PRG4: variants seen among roughly 807,000 people sequenced by gnomAD.
PRG4 encodes the protein proteoglycan 4.
Under a neutral mutation model 91.2 loss-of-function variants are expected in PRG4, and 61 were observed. The observed-to-expected ratio is 0.67, with a 90% CI of 0.54 to 0.83. The LOEUF (loss-of-function observed/expected upper bound fraction) is 0.83, where lower values mean the gene tolerates loss of function less well. Ranked by LOEUF, PRG4 falls within the 40% of genes least tolerant of loss-of-function variation. The pLI is 0.00. For missense variants in PRG4, 1,564 were observed against 1,714.2 expected (o/e 0.91, Z 1.55); for synonymous variants, 576 against 614.2 (o/e 0.94, Z 0.92).
At position 186,306,402 on chromosome 1, in the gene PRG4, A is replaced by G; in HGVS notation, c.683A>G (p.Asn228Ser). 6.2e-7 allele frequency: 1 copy of G among 1,613,362 alleles called. No individual in the cohort carries two copies. Among genetic ancestry groups the G allele is most frequent in the Non-Finnish European group, 8.5e-7 (1 of 1,179,438 alleles). The change falls in exon 7 of 13, where the codon AAT (asparagine) becomes AGT (serine). Residue 228 changes from asparagine (N) to serine (S), a missense_variant. Coordinates refer to ENST00000445192, the MANE Select transcript of PRG4 (RefSeq NM_005807.6). ...VVDEAGSGLD[N>S]GDFKVTTPDT... is the part of the protein sequence containing the mutation. Reference sequence around the variant, plus strand: ...GATGAAGCTGGAAGTGGATTGGACAATGGTGACTTCAAGGTCACAACTCCT... The same window carrying G: ...GATGAAGCTGGAAGTGGATTGGACAGTGGTGACTTCAAGGTCACAACTCCT...
intron 7 of PRG4, 55 bp from the exon 8 acceptor site, chr1:186,309,738 T>C (rs1657032916): frequency 1.6e-6 from 2 of 1,288,944 alleles, no homozygotes; most frequent in East Asian, 2.3e-5. Flanking sequence ...GAAAAGAACA[T>C]ACAGACTTTT....
chr1:186,311,292 A>C, intron 9 of PRG4, 122 bp downstream of exon 9: 1 of 1,421,486 alleles, frequency 7.0e-7, no homozygotes, highest in South Asian at 1.2e-5. Flanking sequence ...TCAAAATTTA[A>C]TCATAATTCA....
intron 4 of PRG4, 110 bp downstream of exon 4, chr1:186,301,821 C>A: frequency 2.1e-6 from 3 of 1,399,814 alleles, no homozygotes; most frequent in Non-Finnish European, 3.0e-6. Context: ...CTTGATTTTA[C>A]TAACATATAA....
Position 186,306,845 on chromosome 1 carries a change from ACCACCCCCAAGGAGCCTGCAC to A in PRG4, c.1132_1152del (p.Pro378_Thr384del). 2.5e-6 allele frequency: 4 copies of A among 1,610,028 alleles called. No individual in the cohort carries two copies. The highest frequency in any genetic ancestry group is 3.4e-6 in the Non-Finnish European group (4 of 1,178,840). ...ACCTACCACCATCAAGTCTGCACCC[ACCACCCCCAAGGAGCCTGCAC>A]CCACCACCACCAAGTCTGCACCCAC... is the stretch of plus-strand genomic sequence containing the variant. On this transcript the variant is annotated inframe_deletion, in exon 7 of 13. Transcript: ENST00000445192.
chr1:186,311,684 A>G (rs967017194), intron 10 of PRG4, 88 bp downstream of exon 10: 5 of 1,327,164 alleles, frequency 3.8e-6, no homozygotes, highest in East Asian at 4.6e-5. Context: ...CTGTCAAAAG[A>G]TATCTTTAAT....
rs139401962 is a variant in PRG4 at position 186,311,082 on chromosome 1, G to A, written c.3548G>A (p.Arg1183His). The A allele has an allele frequency of 4.5e-5, 73 of 1,613,638 alleles. No individual in the cohort carries two copies. The African/African-American group carries it at 6.9e-4, about 15-fold the overall frequency. Residue 1183 changes from arginine (R) to histidine (H), a missense_variant, in exon 9 of 13, where the codon CGC (arginine) becomes CAC (histidine). Arg to His is a conservative substitution (Grantham distance 29, BLOSUM62 0). Coordinates refer to ENST00000445192, the MANE Select transcript of PRG4 (RefSeq NM_005807.6). ...LSPFSPPSPA[R>H]RITEVWGIPS... ...CCATTCAGTCCACCATCTCCAGCTC[G>A]CAGAATTACTGAAGTTTGGGGTATT...
chr1:186,309,743 A>T (rs1400961959), intron 7 of PRG4, 50 bp from the exon 8 acceptor site: 2 of 1,330,906 alleles, frequency 1.5e-6, no homozygotes, highest in East Asian at 2.3e-5. Context: ...GAACATACAG[A>T]CTTTTCTCAT....
rs368941961 is a variant in PRG4, at chr1:186,308,211, C to G, written c.2492C>G (p.Pro831Arg). ...TTPKETAPTT[P>R]KEPAPTTPKK... is the part of the protein sequence containing the mutation. ...CCTAAGGAGACTGCTCCAACTACCC[C>G]CAAGGAGCCTGCACCCACTACCCCC... Residue 831 changes from proline (P) to arginine (R), a missense_variant, in exon 7 of 13, where the codon CCC becomes CGC. Coordinates refer to ENST00000445192, the MANE Select transcript of PRG4 (RefSeq NM_005807.6). 52 of 1,611,366 alleles carry G rather than the reference C, an allele frequency of 3.2e-5. No individual in the cohort carries two copies. In the Admixed American group the frequency reaches 7.0e-4, roughly 22 times the overall value.
intron 5 of PRG4, 103 bp downstream of exon 5, chr1:186,304,360 A>G: frequency 1.5e-6 from 2 of 1,343,704 alleles, no homozygotes; most frequent in Non-Finnish European, 2.1e-6. Context: ...TAATCTTAGG[A>G]ATCATGAGCC....
intron 6 of PRG4, 147 bp downstream of exon 6, chr1:186,305,069 GAA>G: frequency 1.0e-6 from 1 of 979,944 alleles, no homozygotes; most frequent in Non-Finnish European, 1.5e-6. Flanking sequence ...AGTACCAAAT[GAA>G]TACTTCCTAC....
rs1656636099 is a variant in PRG4, at chr1:186,306,923, A to G, written c.1204A>G (p.Lys402Glu). Residue 402 changes from lysine (K) to glutamate (E), a missense_variant, in exon 7 of 13, where the codon AAG becomes GAG. Around this residue, in one of 3 missense-constraint regions of PRG4, gnomAD observed 48 missense variants for 93.0 expected, o/e 0.52. Coordinates refer to ENST00000445192, the MANE Select transcript of PRG4 (RefSeq NM_005807.6). ...TPKEPAPTTT[K>E]EPAPTTPKEP... Reference sequence around the variant, plus strand: ...CAAGGAGCCTGCACCCACCACCACCAAGGAGCCTGCACCCACCACTCCCAA... The same window carrying G: ...CAAGGAGCCTGCACCCACCACCACCGAGGAGCCTGCACCCACCACTCCCAA... 4 of 1,594,654 alleles carry G rather than the reference A, an allele frequency of 2.5e-6. No homozygotes were observed. Among genetic ancestry groups the G allele is most frequent in the Non-Finnish European group, 3.4e-6 (4 of 1,173,910 alleles).
At position 186,300,212 on chromosome 1, in the gene PRG4, G is replaced by A. The variant is rs61729243; in HGVS notation, c.198G>A (p.Ala66=). The A allele has an allele frequency of 2.1e-4, 344 of 1,613,970 alleles. No homozygotes were observed. The highest frequency in any genetic ancestry group is 1.8e-3 in the African/African-American group (136 of 75,034). ...CCPDFKRVCT[A]ELSCKGRCFE... ...CTGATTTCAAGAGAGTCTGCACTGC[G>A]GGTAAGTCCTGAGAGCGGGTGTCTC... Residue 66 remains alanine, a splice_region_variant and synonymous_variant, in exon 3 of 13, where the codon GCG becomes GCA. Coordinates refer to ENST00000445192, the MANE Select transcript of PRG4 (RefSeq NM_005807.6).
At chr1:186,312,929 A>C (rs758151167) in intron 12 of PRG4, 35 bp downstream of exon 12, 1 of 1,589,108 alleles carries the variant, frequency 6.3e-7, no homozygotes, top group Admixed American at 1.7e-5. Flanking sequence ...CAAGGAGGTG[A>C]TATCATTTGT....
chr1:186,298,734 G>A (rs747462530), intron 2 of PRG4, among the ~76,000 whole-genome samples: 12 of 152,020 alleles, frequency 7.9e-5, no homozygotes, highest in African/African-American at 1.2e-4. Context: ...TGATCCGCCC[G>A]CCTCAGCCTC....
intron 3 of PRG4, among the ~76,000 whole-genome samples, chr1:186,301,156 A>C (rs893498749): frequency 2.6e-5 from 4 of 152,174 alleles, no homozygotes; most frequent in Admixed American, 6.5e-5. Context: ...TTTACGTGGA[A>C]TATATATACA....
chr1:186,307,730 G>A lies in PRG4; in HGVS notation c.2011G>A (p.Ala671Thr). The A allele has an allele frequency of 6.2e-7, 1 of 1,610,244 alleles. No individual in the cohort carries two copies. The highest frequency in any genetic ancestry group is 8.5e-7 in the Non-Finnish European group (1 of 1,178,948). ...PEEPAPTTPK[A>T]AAPNTPKEPA... ...GGAGCCTGCTCCCACCACTCCCAAG[G>A]CAGCGGCTCCCAACACCCCTAAGGA... The change falls in exon 7 of 13, where the codon GCA (alanine) becomes ACA (threonine). Residue 671 changes from alanine to threonine, a missense_variant. Around this residue, in one of 3 missense-constraint regions of PRG4, gnomAD observed 1,079 missense variants for 1,162.2 expected, o/e 0.93. Coordinates refer to ENST00000445192, the MANE Select transcript of PRG4 (RefSeq NM_005807.6).
chr1:186,311,315 C>G (rs1657205456), intron 9 of PRG4, 125 bp from the exon 10 acceptor site: 1 of 1,404,714 alleles, frequency 7.1e-7, no homozygotes, highest in Non-Finnish European at 1.0e-6. Context: ...AGTTTGATAA[C>G]AGTAATGGTC....
chr1:186,299,909 G>A (rs542618993), intron 2 of PRG4, among the ~76,000 whole-genome samples, 182 bp from the exon 3 acceptor site: 9 of 152,276 alleles, frequency 5.9e-5, no homozygotes, highest in East Asian at 1.9e-4. Context: ...AGAATAAAGT[G>A]ACATAATTGA....
Position 186,314,055 on chromosome 1 carries a change from T to A in PRG4, c.*277T>A. The A allele has an allele frequency of 6.3e-7, 1 of 1,598,774 alleles. No individual in the cohort carries two copies. The highest frequency in any genetic ancestry group is 8.5e-7 in the Non-Finnish European group (1 of 1,173,348). ...TAAAAGAAAAAAGAATCAAATTGAA[T>A]ATATCTTTTAAGAATTCAAAACTAG... On this transcript the variant is annotated 3_prime_UTR_variant, in exon 13 of 13. Transcript: ENST00000445192.
Sources: allele counts gnomAD v4.1 joint callset (sites outside exome capture counted in the v4.1 genomes callset), GRCh38; gene constraint gnomAD v4.1.1; regional missense constraint gnomAD v4.1.1; transcripts MANE v1.5; gene names NCBI Gene and HGNC (gene_info 2026-07-23, HGNC 2026-07-21).